The following CPE variants were observed in gnomAD, a reference collection of about 807,000 sequenced individuals.
The protein encoded by CPE is carbocypeptidase E.
CPE carries 17 observed loss-of-function variants against 53.5 expected under a neutral mutation model. That is an observed-to-expected ratio of 0.32 (90% CI 0.22 to 0.48). The LOEUF (loss-of-function observed/expected upper bound fraction) is 0.48. CPE is among the 20% of genes least tolerant of loss of function. The probability of loss-of-function intolerance (pLI) is 0.99; values close to 1 mark genes in which losing one functional copy is unlikely to be tolerated. For synonymous variants in CPE, 226 were observed against 228.8 expected (o/e 0.99, Z 0.11); for missense variants, 524 against 614.7 (o/e 0.85, Z 1.56).
At chr4:165,423,341 A>G (rs1467431008) in intron 1 of CPE, among the ~76,000 whole-genome samples, 1 of 152,028 alleles carries the variant, frequency 6.6e-6, no homozygotes, top group Non-Finnish European at 1.5e-5. Flanking sequence ...ACACTATTTC[A>G]TAAATAAACT....
At chr4:165,430,331 G>C (rs1391535499) in intron 1 of CPE, among the ~76,000 whole-genome samples, 2 of 152,158 alleles carry the variant, frequency 1.3e-5, no homozygotes, top group Non-Finnish European at 2.9e-5. Flanking sequence ...AATTTTCAAA[G>C]TAGTGCAAAA....
At chr4:165,391,927 G>A (rs2126655841) in intron 1 of CPE, among the ~76,000 whole-genome samples, 1 of 152,112 alleles carries the variant, frequency 6.6e-6, no homozygotes, top group East Asian at 1.9e-4. Context: ...GAAAGTCAAA[G>A]AGAGGACTTT....
chr4:165,441,355 G>A (rs1197249218), intron 1 of CPE, among the ~76,000 whole-genome samples: 2 of 152,122 alleles, frequency 1.3e-5, no homozygotes, highest in African/African-American at 4.8e-5. Context: ...ATAGCACTTG[G>A]TGGACCTTGG....
chr4:165,379,053 T>G lies in CPE; in HGVS notation c.-169T>G, dbSNP rs1730456319. On this transcript the variant is annotated 5_prime_UTR_variant, in exon 1 of 9. Coordinates refer to ENST00000402744, the MANE Select transcript of CPE (RefSeq NM_001873.4). The surrounding 1 kb of genome is among the most constrained non-coding windows in gnomAD (Gnocchi z 6.0). Reference sequence around the variant, plus strand: ...CGCGGCTTTGCCCGTCTCCTCTGGGTGGCCCCAGTGCGCGGGCTGACACTC... The same window carrying G: ...CGCGGCTTTGCCCGTCTCCTCTGGGGGGCCCCAGTGCGCGGGCTGACACTC... 3 of 516,880 alleles carry G rather than the reference T, an allele frequency of 5.8e-6. No homozygotes were observed. The highest frequency in any genetic ancestry group is 2.9e-6 in the Non-Finnish European group (1 of 348,030). The allele number at this position is 516,880 out of a possible 1,614,324, so 32.0% of individuals were successfully genotyped here. A position where few individuals can be genotyped will look rare whatever the true frequency, so the allele number is the denominator to read the frequency against.
chr4:165,405,614 G>T, intron 1 of CPE: 1 of 788,778 alleles, frequency 1.3e-6, no homozygotes. Flanking sequence ...CTTCTTATCA[G>T]CTAGTCCTTT....
chr4:165,397,915 T>C lies in CPE; in HGVS notation c.307+18387T>C, dbSNP rs187387966. ...AAAGAAAGAAAAATTAGCCAGGCAT[T>C]GTGGTACATGCCTATAGTCCTGGCT... On this transcript the variant is annotated intron_variant, in intron 1 of 8. Coordinates refer to ENST00000402744, the MANE Select transcript of CPE (RefSeq NM_001873.4). Among the ~76,000 whole-genome samples the C allele has an allele frequency of 2.1e-4, 32 of 151,284 alleles. No homozygotes were observed. The East Asian group carries it at 6.2e-3, about 29-fold the overall frequency.
chr4:165,395,972 A>G (rs1476642662), intron 1 of CPE, among the ~76,000 whole-genome samples: 1 of 152,196 alleles, frequency 6.6e-6, no homozygotes, highest in African/African-American at 2.4e-5. Flanking sequence ...GGTTATTCTA[A>G]GACCACTGCA....
At chr4:165,455,933 G>C (rs929140534) in intron 1 of CPE, among the ~76,000 whole-genome samples, 2 of 152,058 alleles carry the variant, frequency 1.3e-5, no homozygotes, top group African/African-American at 2.4e-5. Flanking sequence ...GATTACAGGC[G>C]TGAGCCACCA....
intron 3 of CPE, among the ~76,000 whole-genome samples, chr4:165,476,338 G>A (rs745622613): frequency 1.3e-5 from 2 of 152,152 alleles, no homozygotes; most frequent in Non-Finnish European, 2.9e-5. Flanking sequence ...CCCTTGGGGT[G>A]GGCTGTCTGC....
chr4:165,391,687 G>A (rs770313696), intron 1 of CPE, among the ~76,000 whole-genome samples: 9 of 152,082 alleles, frequency 5.9e-5, no homozygotes, highest in Admixed American at 2.0e-4. Context: ...TATTTGTAGC[G>A]CGAATGTACT....
chr4:165,459,426 T>C (rs904315411), intron 1 of CPE, among the ~76,000 whole-genome samples: 4 of 152,142 alleles, frequency 2.6e-5, no homozygotes, highest in Non-Finnish European at 5.9e-5. Context: ...AGATCGTCTT[T>C]TAATAATGGC....
chr4:165,395,290 T>C (rs1455471713), intron 1 of CPE, among the ~76,000 whole-genome samples: 1 of 152,222 alleles, frequency 6.6e-6, no homozygotes, highest in East Asian at 1.9e-4. Context: ...GTGAAAGTAT[T>C]AAGTCTGAAT....
chr4:165,415,952 TC>T (rs1220960466), intron 1 of CPE, among the ~76,000 whole-genome samples: 2 of 152,080 alleles, frequency 1.3e-5, no homozygotes, highest in Non-Finnish European at 2.9e-5. Flanking sequence ...AGGATCTAGA[TC>T]CCCCAGAGGT....
intron 1 of CPE, among the ~76,000 whole-genome samples, chr4:165,418,750 T>C (rs1404619390): frequency 6.6e-6 from 1 of 152,216 alleles, no homozygotes; most frequent in Non-Finnish European, 1.5e-5. Flanking sequence ...ATTTTCTAAC[T>C]GAAGGAATGT....
At chr4:165,427,103 G>C (rs929056628) in intron 1 of CPE, among the ~76,000 whole-genome samples, 2 of 152,202 alleles carry the variant, frequency 1.3e-5, no homozygotes, top group African/African-American at 4.8e-5. Context: ...ATGTGTTAGA[G>C]GACGGAATTT....
Position 165,464,499 on chromosome 4 carries a change from C to T in CPE, c.417C>T (p.Asn139=), listed in dbSNP as rs140774899. The T allele has an allele frequency of 7.9e-5, 128 of 1,613,744 alleles. No individual in the cohort carries two copies. The highest frequency in any genetic ancestry group is 9.1e-5 in the Non-Finnish European group (107 of 1,179,906). ...QYLCNEYQKG[N]ETIVNLIHST... ...TATGCAACGAATACCAGAAGGGGAA[C>T]GAGACAATTGTCAACCTGATCCACA... Residue 139 remains asparagine (N), a synonymous_variant, in exon 2 of 9, where the codon AAC becomes AAT. Transcript: ENST00000402744.
At chr4:165,457,539 G>C (rs1384284248) in intron 1 of CPE, among the ~76,000 whole-genome samples, 2 of 152,142 alleles carry the variant, frequency 1.3e-5, no homozygotes, top group Non-Finnish European at 2.9e-5. Flanking sequence ...AGATATTTTA[G>C]ATGTCATATG....
At chr4:165,440,961 G>A (rs778764606) in intron 1 of CPE, among the ~76,000 whole-genome samples, 22 of 152,112 alleles carry the variant, frequency 1.4e-4, no homozygotes, top group Non-Finnish European at 2.2e-4. Context: ...GTATAAAAAC[G>A]CTATTGCATC....
chr4:165,393,964 C>T (rs1291401629), intron 1 of CPE, among the ~76,000 whole-genome samples: 1 of 152,178 alleles, frequency 6.6e-6, no homozygotes, highest in African/African-American at 2.4e-5. Flanking sequence ...TGTTGGAAGA[C>T]TGCTCTGATA....
Sources: gnomAD v4.1 joint callset for allele counts (sites outside exome capture counted in the v4.1 genomes callset) on GRCh38, gnomAD v4.1.1 for gene constraint, Gnocchi (gnomAD v3.1) non-coding constraint, MANE v1.5 for transcripts, NCBI Gene and HGNC (gene_info 2026-07-23, HGNC 2026-07-21) for gene names.